Variants in MICAL3 observed in about 807,000 individuals in gnomAD.
MICAL3 encodes the protein microtubule associated monooxygenase, calponin and LIM domain containing 3, also known as [F-actin]-monooxygenase MICAL3.
MICAL3 carries 62 observed loss-of-function variants against 207.4 expected under a neutral mutation model. That is an observed-to-expected ratio of 0.30 (90% CI 0.24 to 0.37). MICAL3 has a LOEUF of 0.37. Among genes scored for constraint, MICAL3 ranks in the 10% least tolerant of loss-of-function variants. The pLI, the probability that MICAL3 is intolerant of heterozygous loss-of-function variation, is 1.00. For synonymous variants in MICAL3, 1,077 were observed against 1,069.3 expected (o/e 1.01, Z -0.14); for missense variants, 2,368 against 2,635.6 (o/e 0.90, Z 2.22).
chr22:17,972,014 C>T (rs558819855), intron 1 of MICAL3, among the ~76,000 whole-genome samples: 4 of 152,328 alleles, frequency 2.6e-5, no homozygotes, highest in South Asian at 4.1e-4. Context: ...GGCCTCTTAA[C>T]GAATCTGGAT....
intron 7 of MICAL3, among the ~76,000 whole-genome samples, chr22:17,899,037 A>G (rs62240579): frequency 0.04 from 6,132 of 152,278 alleles, 186 homozygotes; most frequent in African/African-American, 0.082. Context: ...CCAACCAATC[A>G]TCAGTCAGAT....
At chr22:18,004,590 T>A (rs1336198361) in intron 1 of MICAL3, 2 of 152,360 alleles carry the variant, frequency 1.3e-5, no homozygotes, top group Non-Finnish European at 2.9e-5. Flanking sequence ...CATATTTCCC[T>A]ATCTCCCTGA....
chr22:17,998,560 A>ATTT (rs34252272), intron 1 of MICAL3, among the ~76,000 whole-genome samples: 1 of 143,978 alleles, frequency 6.9e-6, no homozygotes, highest in Non-Finnish European at 1.5e-5. Flanking sequence ...TATTATTATT[A>ATTT]TTATTTTTTT....
At chr22:17,925,343 C>T (rs891415598) in intron 1 of MICAL3, among the ~76,000 whole-genome samples, 1 of 152,174 alleles carries the variant, frequency 6.6e-6, no homozygotes, top group African/African-American at 2.4e-5. Flanking sequence ...TTTTCTATAC[C>T]ACTTGATTGC....
chr22:17,790,452 C>T lies in MICAL3; in HGVS notation c.*280G>A, dbSNP rs556652089. On this transcript the variant is annotated 3_prime_UTR_variant, in exon 32 of 32. Transcript: ENST00000441493. Reference sequence around the variant, plus strand: ...AGCCAGCACATCCTCAGGGAGCGCGCGGGGTGGTCCCCTGCGTCATGCCAT... The same window carrying T: ...AGCCAGCACATCCTCAGGGAGCGCGTGGGGTGGTCCCCTGCGTCATGCCAT... 7.0e-4 allele frequency: 322 copies of T among 461,788 alleles called. 3 individuals are homozygous for T. Among genetic ancestry groups the T allele is most frequent in the African/African-American group, 3.8e-3 (196 of 51,284 alleles). 28.6% of individuals were successfully genotyped at this position (461,788 alleles called of 1,614,324 possible). A position where few individuals can be genotyped will look rare whatever the true frequency, so the allele number is the denominator to read the frequency against.
Position 17,832,127 on chromosome 22 carries a change from T to A in MICAL3, c.2802-20A>T. On this transcript the variant is annotated intron_variant, in intron 20 of 31. Coordinates refer to ENST00000441493, the MANE Select transcript of MICAL3 (RefSeq NM_015241.3). ...GAACTACTGTGAGGAAATAACCACATAGCCAGAGTGAGGGAATGAAGAAAA... is the reference window on the plus strand; with the variant it reads ...GAACTACTGTGAGGAAATAACCACAAAGCCAGAGTGAGGGAATGAAGAAAA... 6.4e-7 allele frequency: 1 copy of A among 1,556,214 alleles called. No individual in the cohort carries two copies.
chr22:17,963,182 A>G (rs1480457626), intron 1 of MICAL3, among the ~76,000 whole-genome samples: 1 of 152,022 alleles, frequency 6.6e-6, no homozygotes, highest in African/African-American at 2.4e-5. Flanking sequence ...GGGTGATCTC[A>G]GCTCGCTGCA....
At position 17,796,101 on chromosome 22, in the gene MICAL3, C is replaced by T. The variant is rs900538114; in HGVS notation, c.5651-4800G>A. On this transcript the variant is annotated intron_variant, in intron 29 of 31. Coordinates refer to ENST00000441493, the MANE Select transcript of MICAL3 (RefSeq NM_015241.3). The surrounding 1 kb of genome is among the most constrained non-coding windows in gnomAD (Gnocchi z 4.4). ...TTTACCACTTCTCAAAGCACTCCTG[C>T]GTGCCCTGGGCGCTGGCCACCCCTC... is the stretch of plus-strand genomic sequence containing the variant. Among the ~76,000 whole-genome samples, 3 of 152,192 alleles carry T rather than the reference C, an allele frequency of 2.0e-5. No homozygotes were observed. Among genetic ancestry groups the T allele is most frequent in the Admixed American group, 6.5e-5 (1 of 15,286 alleles).
chr22:17,812,305 C>T (rs1265490045), intron 27 of MICAL3, among the ~76,000 whole-genome samples: 1 of 152,248 alleles, frequency 6.6e-6, no homozygotes, highest in African/African-American at 2.4e-5. Context: ...CACATGCACT[C>T]CAGCCGGTGA....
chr22:17,899,506 T>A lies in MICAL3; in HGVS notation c.890A>T (p.His297Leu). ...ENIVYYKDDT[H>L]YFVMTAKKQS... ...CTTTTTGGCTGTCATAACGAAATAGTGTGTGTCATCTTTGTAGTAAACGAT... is the reference window on the plus strand; with the variant it reads ...CTTTTTGGCTGTCATAACGAAATAGAGTGTGTCATCTTTGTAGTAAACGAT... The change falls in exon 7 of 32, where the codon CAC becomes CTC. Residue 297 changes from histidine to leucine, a missense_variant. Coordinates refer to ENST00000441493, the MANE Select transcript of MICAL3 (RefSeq NM_015241.3). 6.2e-7 allele frequency: 1 copy of A among 1,609,426 alleles called. No homozygotes were observed. The highest frequency in any genetic ancestry group is 8.5e-7 in the Non-Finnish European group (1 of 1,177,542).
intron 15 of MICAL3, among the ~76,000 whole-genome samples, chr22:17,886,739 A>T (rs1383273797): frequency 6.6e-6 from 1 of 150,886 alleles, no homozygotes; most frequent in East Asian, 2.0e-4. Context: ...CTGGAGGTGC[A>T]GGTTGCAGTG....
intron 1 of MICAL3, among the ~76,000 whole-genome samples, chr22:17,952,814 C>T (rs747432899): frequency 3.9e-5 from 6 of 152,180 alleles, no homozygotes; most frequent in African/African-American, 7.2e-5. Flanking sequence ...CTTGGAGCCT[C>T]GGTTCGATCC....
At chr22:18,004,923 T>C (rs1923280855) in intron 1 of MICAL3, 1 of 146,810 alleles carries the variant, frequency 6.8e-6, no homozygotes, top group Non-Finnish European at 1.5e-5. Flanking sequence ...TTTATTTTTA[T>C]TTTTATTTTG....
At chr22:17,875,545 C>T in intron 16 of MICAL3, 1 of 1,549,422 alleles carries the variant, frequency 6.5e-7, no homozygotes, top group Non-Finnish European at 8.7e-7. Flanking sequence ...CGAGGAGGTT[C>T]AGGCTCTGGC....
chr22:17,969,469 T>C (rs1935304621), intron 1 of MICAL3, among the ~76,000 whole-genome samples: 1 of 152,248 alleles, frequency 6.6e-6, no homozygotes, highest in South Asian at 2.1e-4. Flanking sequence ...GGAATGACAG[T>C]GTCCATCTGG....
At chr22:17,905,211 A>G (rs1403956068) in intron 2 of MICAL3, among the ~76,000 whole-genome samples, 2 of 152,230 alleles carry the variant, frequency 1.3e-5, no homozygotes, top group Admixed American at 6.5e-5. Flanking sequence ...GAAGGTTTCT[A>G]GGTCAGGCAG....
At chr22:17,812,040 T>C (rs2062053987) in intron 27 of MICAL3, among the ~76,000 whole-genome samples, 1 of 152,224 alleles carries the variant, frequency 6.6e-6, no homozygotes, top group Non-Finnish European at 1.5e-5. Flanking sequence ...TGAGCCACCA[T>C]ACCTGGCCAA....
intron 22 of MICAL3, 132 bp downstream of exon 22, chr22:17,827,512 G>T: frequency 1.1e-6 from 1 of 904,876 alleles, no homozygotes; most frequent in Non-Finnish European, 1.6e-6. Context: ...CAGCAGCAAA[G>T]CGGGATGCGC....
intron 16 of MICAL3, chr22:17,879,345 C>T (rs376647573): frequency 1.9e-6 from 3 of 1,608,872 alleles, no homozygotes; most frequent in South Asian, 1.1e-5. Context: ...TGCTCTTTTA[C>T]CCTCTCATGG....
Sources: allele counts gnomAD v4.1 joint callset (sites outside exome capture counted in the v4.1 genomes callset), GRCh38; gene constraint gnomAD v4.1.1; non-coding constraint Gnocchi (gnomAD v3.1); transcripts MANE v1.5; gene names NCBI Gene and HGNC (gene_info 2026-07-23, HGNC 2026-07-21).